The following GRIA4 variants were observed in gnomAD, a reference collection of about 807,000 sequenced individuals.
GRIA4 encodes the protein glutamate receptor 4.
In GRIA4, 34 loss-of-function variants were observed where a neutral mutation model predicts 104.0. That is an observed-to-expected ratio of 0.33 (90% CI 0.25 to 0.44). The LOEUF (loss-of-function observed/expected upper bound fraction) is 0.44, where lower values mean the gene tolerates loss of function less well. GRIA4 is among the 20% of genes least tolerant of loss of function. The probability of loss-of-function intolerance (pLI) is 1.00; values close to 1 mark genes in which losing one functional copy is unlikely to be tolerated. For missense variants in GRIA4, 750 were observed against 1,096.5 expected (o/e 0.68, Z 4.46); for synonymous variants, 386 against 381.9 (o/e 1.01, Z -0.13).
chr11:105,765,308 A>G (rs971608512), intron 4 of GRIA4, among the ~76,000 whole-genome samples: 12 of 152,232 alleles, frequency 7.9e-5, no homozygotes, highest in African/African-American at 2.7e-4. Context: ...TTCTGTACAC[A>G]GATATTTAGA....
chr11:105,832,677 G>A (rs1272158817), intron 4 of GRIA4, among the ~76,000 whole-genome samples: 1 of 151,834 alleles, frequency 6.6e-6, no homozygotes, highest in Non-Finnish European at 1.5e-5. Context: ...CTTTTCATTT[G>A]TCCATGGAGA....
intron 9 of GRIA4, 49 bp from the exon 10 acceptor site, chr11:105,910,386 G>C (rs779738034): frequency 8.0e-6 from 7 of 877,282 alleles, no homozygotes; most frequent in East Asian, 4.9e-5. Flanking sequence ...AGAAGAACTA[G>C]AGTAAATGCT....
intron 4 of GRIA4, among the ~76,000 whole-genome samples, chr11:105,789,865 A>G (rs1291380218): frequency 6.6e-6 from 1 of 152,160 alleles, no homozygotes; most frequent in Non-Finnish European, 1.5e-5. Flanking sequence ...CACCAAAAAA[A>G]TTGCTAAGTG....
intron 3 of GRIA4, among the ~76,000 whole-genome samples, chr11:105,690,824 G>T (rs1953057323): frequency 6.6e-6 from 1 of 151,960 alleles, no homozygotes; most frequent in Non-Finnish European, 1.5e-5. Context: ...TTCAGATTCT[G>T]CTCACTTTTA....
intron 3 of GRIA4, among the ~76,000 whole-genome samples, chr11:105,642,134 CCT>C (rs1951382412): frequency 6.6e-6 from 1 of 152,094 alleles, no homozygotes; most frequent in East Asian, 1.9e-4. Context: ...CTTTAAAGAC[CCT>C]GTCCCCCAAA....
At chr11:105,632,224 C>T (rs932353518) in intron 3 of GRIA4, among the ~76,000 whole-genome samples, 5 of 151,984 alleles carry the variant, frequency 3.3e-5, no homozygotes, top group African/African-American at 1.2e-4. Context: ...GAATTAAAGT[C>T]TTACTCCTCT....
At chr11:105,951,375 T>C (rs1285519427) in intron 14 of GRIA4, among the ~76,000 whole-genome samples, 2 of 152,152 alleles carry the variant, frequency 1.3e-5, no homozygotes, top group Non-Finnish European at 2.9e-5. Context: ...AAATTTACTT[T>C]AGAATAATAA....
At chr11:105,799,502 C>T (rs1161733091) in intron 4 of GRIA4, among the ~76,000 whole-genome samples, 1 of 151,932 alleles carries the variant, frequency 6.6e-6, no homozygotes, top group East Asian at 1.9e-4. Context: ...ATGCTGGAGA[C>T]AGAGGAGAGA....
At chr11:105,866,410 T>C (rs1039270421) in intron 5 of GRIA4, among the ~76,000 whole-genome samples, 2 of 151,394 alleles carry the variant, frequency 1.3e-5, no homozygotes, top group African/African-American at 4.8e-5. Flanking sequence ...CTACAAACAT[T>C]TGTTAAGTCC....
At chr11:105,954,466 C>A (rs994565969) in intron 14 of GRIA4, among the ~76,000 whole-genome samples, 9 of 152,062 alleles carry the variant, frequency 5.9e-5, no homozygotes, top group Non-Finnish European at 1.2e-4. Flanking sequence ...AGAACAAATG[C>A]AATTTAAGTT....
chr11:105,833,595 A>G (rs1184412258), intron 4 of GRIA4, among the ~76,000 whole-genome samples: 2 of 152,160 alleles, frequency 1.3e-5, no homozygotes, highest in Non-Finnish European at 2.9e-5. Flanking sequence ...GGGTTAAGCA[A>G]CTGATGAACT....
chr11:105,928,131 A>G (rs547655721), intron 13 of GRIA4, among the ~76,000 whole-genome samples: 25 of 152,094 alleles, frequency 1.6e-4, no homozygotes, highest in Non-Finnish European at 3.1e-4. Flanking sequence ...TTTCTGTAAG[A>G]TATTTATCCT....
chr11:105,816,350 CATGA>C (rs1364766079), intron 4 of GRIA4, among the ~76,000 whole-genome samples: 2 of 152,100 alleles, frequency 1.3e-5, no homozygotes, highest in Non-Finnish European at 2.9e-5. Context: ...GTAGATTTCT[CATGA>C]ATGGTTTACC....
intron 3 of GRIA4, among the ~76,000 whole-genome samples, chr11:105,721,871 A>G (rs1015399398): frequency 2.0e-5 from 3 of 152,120 alleles, no homozygotes; most frequent in Non-Finnish European, 2.9e-5. Flanking sequence ...TTTTTGTAGA[A>G]AAACCAGGCA....
chr11:105,956,071 T>C (rs754704450), intron 14 of GRIA4, among the ~76,000 whole-genome samples: 2 of 152,160 alleles, frequency 1.3e-5, no homozygotes, highest in African/African-American at 2.4e-5. Flanking sequence ...ATTCTGTAGG[T>C]TGCCTGTTCA....
intron 4 of GRIA4, among the ~76,000 whole-genome samples, chr11:105,833,912 A>C (rs1004273297): frequency 1.3e-5 from 2 of 152,104 alleles, no homozygotes; most frequent in Middle Eastern, 6.8e-3. Context: ...CTGAGTCTCA[A>C]CTGTTTATTT....
chr11:105,974,271 C>T, intron 15 of GRIA4, 39 bp from the exon 16 acceptor site: 1 of 1,592,430 alleles, frequency 6.3e-7, no homozygotes, highest in Non-Finnish European at 8.6e-7. Flanking sequence ...TTGGATGTGA[C>T]ATTTCCACAG....
chr11:105,720,582 G>T (rs1937730319), intron 3 of GRIA4, among the ~76,000 whole-genome samples: 1 of 152,206 alleles, frequency 6.6e-6, no homozygotes, highest in Admixed American at 6.5e-5. Flanking sequence ...ACCAGTGTAA[G>T]AAAGGGCTAG....
intron 4 of GRIA4, among the ~76,000 whole-genome samples, chr11:105,782,025 GAA>G (rs1367238569): frequency 6.6e-6 from 1 of 152,152 alleles, no homozygotes; most frequent in African/African-American, 2.4e-5. Context: ...AAGCATAGAT[GAA>G]AGCTTGCAAC....
Sources: gnomAD v4.1 joint callset for allele counts (sites outside exome capture counted in the v4.1 genomes callset) on GRCh38, gnomAD v4.1.1 for gene constraint, MANE v1.5 for transcripts, NCBI Gene and HGNC (gene_info 2026-07-23, HGNC 2026-07-21) for gene names.